Variants in OTOF observed in about 807,000 individuals in gnomAD.
OTOF encodes the protein fer-1-like family member 2.
OTOF carries 218 observed loss-of-function variants against 236.8 expected under a neutral mutation model. The ratio of observed to expected loss-of-function variants is 0.92; its 90% confidence interval spans 0.82 to 1.03. The LOEUF (loss-of-function observed/expected upper bound fraction) is 1.03, where lower values mean the gene tolerates loss of function less well. Ranked by LOEUF, OTOF falls within the 50% of genes least tolerant of loss-of-function variation. OTOF has a pLI of 0.00. For synonymous variants in OTOF, 1,041 were observed against 1,072.5 expected (o/e 0.97, Z 0.57); for missense variants, 2,590 against 2,694.4 (o/e 0.96, Z 0.86).
intron 1 of OTOF, among the ~76,000 whole-genome samples, chr2:26,541,180 G>A (rs1667205020): frequency 6.6e-6 from 1 of 152,202 alleles, no homozygotes; most frequent in African/African-American, 2.4e-5. Context: ...AGGTGGGGAG[G>A]GGCCCTGCTC....
chr2:26,476,956 G>A lies in OTOF; in HGVS notation c.2611C>T (p.Leu871Phe), dbSNP rs202211392. The A allele has an allele frequency of 1.2e-6, 2 of 1,611,434 alleles. No individual in the cohort carries two copies. The highest frequency in any genetic ancestry group is 8.5e-7 in the Non-Finnish European group (1 of 1,179,282). The change falls in exon 22 of 47, where the codon CTC becomes TTC. Residue 871 changes from leucine (L) to phenylalanine (F), a missense_variant. Leu to Phe is a conservative substitution (Grantham distance 22, BLOSUM62 0). Transcript: ENST00000272371. ...GTCTCCTCCTCCACGATGGAGAAGA[G>A]CAGGTCCTTGGAGGGCACACGGGCA... ...AYARVPSKDLLFSIVEEETGK... is the reference protein window; with the variant it reads ...AYARVPSKDLFFSIVEEETGK...
At chr2:26,523,493 A>C (rs981869573) in intron 3 of OTOF, among the ~76,000 whole-genome samples, 2 of 151,648 alleles carry the variant, frequency 1.3e-5, no homozygotes, top group African/African-American at 4.9e-5. Context: ...CCTGGGACCC[A>C]CTCTCCCAGG....
In OTOF at chr2:26,466,071, C is replaced by T. The variant is rs776988630; in HGVS notation, c.4506G>A (p.Thr1502=). 1.7e-5 allele frequency: 28 copies of T among 1,614,026 alleles called. No homozygotes were observed. The highest frequency in any genetic ancestry group is 2.2e-5 in the South Asian group (2 of 91,078). The change falls in exon 37 of 47, where the codon ACG becomes ACA. Residue 1502 remains threonine, a synonymous_variant. Transcript: ENST00000272371. ...VLVRVYVVRA[T]DLHPADINGK... ...CGTTGATGTCAGCAGGGTGCAGGTC[C>T]GTGGCCTGGAATGGGGAGAAGGGCT...
chr2:26,556,696 T>G (rs1667593787), intron 1 of OTOF, among the ~76,000 whole-genome samples: 1 of 152,082 alleles, frequency 6.6e-6, no homozygotes, highest in South Asian at 2.1e-4. Context: ...GTACTCAGGA[T>G]GAGGTCCTGA....
chr2:26,459,334 C>T (rs1053574995), intron 46 of OTOF, among the ~76,000 whole-genome samples: 6 of 152,202 alleles, frequency 3.9e-5, no homozygotes, highest in South Asian at 2.1e-4. Flanking sequence ...GGGCGGATCA[C>T]GAGGTCAGGA....
At chr2:26,474,428 G>GCCCCCC in intron 26 of OTOF, 85 bp downstream of exon 26, 1 of 293,626 alleles carries the variant, frequency 3.4e-6, no homozygotes, top group Non-Finnish European at 5.9e-6. Context: ...CCAGGCCCCA[G>GCCCCCC]CCTTCAGGGT....
rs142630329 is a variant in OTOF at position 26,495,959 on chromosome 2, C to A, written c.766-886G>T. Among the ~76,000 whole-genome samples, 32 of 152,354 alleles carry A rather than the reference C, an allele frequency of 2.1e-4. 1 individual carries two copies. Among genetic ancestry groups the A allele is most frequent in the Admixed American group, 1.6e-3 (24 of 15,310 alleles). On this transcript the variant is annotated intron_variant, in intron 8 of 46. Coordinates refer to ENST00000272371, the MANE Select transcript of OTOF (RefSeq NM_194248.3). The stretch of plus-strand genomic sequence containing the variant: ...TGCATTTCTGGAATTTGGCTCCCCC[C>A]CCTTTCCACATTGTTTGCTGAATTT...
chr2:26,463,142 CTGTG>C (rs147483890), intron 41 of OTOF, among the ~76,000 whole-genome samples: 1 of 150,552 alleles, frequency 6.6e-6, no homozygotes, highest in Non-Finnish European at 1.5e-5. Flanking sequence ...GAGTGCTATG[CTGTG>C]TGTGTGTGTG....
intron 9 of OTOF, among the ~76,000 whole-genome samples, chr2:26,494,741 T>C (rs1240790378): frequency 2.0e-5 from 3 of 151,808 alleles, no homozygotes; most frequent in Non-Finnish European, 4.4e-5. Context: ...TGTCGGCCTG[T>C]GCTCTAGACT....
chr2:26,459,223 C>T (rs1467678759), intron 46 of OTOF, among the ~76,000 whole-genome samples: 1 of 152,180 alleles, frequency 6.6e-6, no homozygotes, highest in African/African-American at 2.4e-5. Flanking sequence ...TTCCCTTTTC[C>T]CTGTCCATAG....
chr2:26,542,032 T>A (rs1032368708), intron 1 of OTOF, among the ~76,000 whole-genome samples: 9 of 152,228 alleles, frequency 5.9e-5, no homozygotes, highest in Non-Finnish European at 8.8e-5. Context: ...GTATCAGATA[T>A]ACCCATTTCT....
chr2:26,519,643 G>A (rs6746918), intron 3 of OTOF, among the ~76,000 whole-genome samples: 77,267 of 152,104 alleles, frequency 0.51, 20,074 homozygotes, highest in Middle Eastern at 0.59. Flanking sequence ...GAGAGGCGGT[G>A]CAATGCTTTG....
chr2:26,489,887 T>G, intron 9 of OTOF, 147 bp from the exon 10 acceptor site: 1 of 714,146 alleles, frequency 1.4e-6, no homozygotes. Flanking sequence ...CAGAGGCAAC[T>G]CATCTGATCC....
At chr2:26,510,245 G>A (rs917663290) in intron 5 of OTOF, among the ~76,000 whole-genome samples, 1 of 152,062 alleles carries the variant, frequency 6.6e-6, no homozygotes, top group African/African-American at 2.4e-5. Flanking sequence ...CCCACGACCT[G>A]CAGCTGCAAA....
chr2:26,516,535 C>T lies in OTOF; in HGVS notation c.392G>A (p.Gly131Glu), dbSNP rs1335406986. The change falls in exon 5 of 47, where the codon GGG (glycine) becomes GAG (glutamate). Residue 131 changes from glycine (G) to glutamate (E), a missense_variant. Physicochemically the swap from Gly to Glu is moderately conservative, Grantham distance 98 (BLOSUM62 -2). This residue lies in a region of OTOF where 1,379 missense variants were observed against 1,341.6 expected (regional missense o/e 1.03). Coordinates refer to ENST00000272371, the MANE Select transcript of OTOF (RefSeq NM_194248.3). ...AAGAGACTCATCTCCCAGGAAGTCC[C>T]CATCGTCCCAGGAGCCCACTGTGCC... ...TDGTVGSWDD[G>E]DFLGDESLQE... The T allele has an allele frequency of 6.2e-7, 1 of 1,612,982 alleles. No homozygotes were observed. Among genetic ancestry groups the T allele is most frequent in the East Asian group, 2.2e-5 (1 of 44,880 alleles).
chr2:26,558,654 T>G lies in OTOF; in HGVS notation c.-83A>C. ...GGAGCACGGCTCACACGCCTCTCTC[T>G]TCTCTGCCGCTGCCTCCTCCTCCTC... On this transcript the variant is annotated 5_prime_UTR_variant, in exon 1 of 47. Transcript: ENST00000272371. 1 of 1,203,242 alleles carries G rather than the reference T, an allele frequency of 8.3e-7. No homozygotes were observed. Among genetic ancestry groups the G allele is most frequent in the Admixed American group, 1.7e-5 (1 of 58,422 alleles). The allele number at this position is 1,203,242 out of a possible 1,614,324, so 74.5% of individuals were successfully genotyped here.
chr2:26,492,306 G>A (rs780588957), intron 9 of OTOF, among the ~76,000 whole-genome samples: 5 of 152,104 alleles, frequency 3.3e-5, no homozygotes, highest in South Asian at 2.1e-4. Context: ...AGCACAGGAC[G>A]ATCCCACCAC....
chr2:26,471,847 T>C (rs1664992649), intron 30 of OTOF, among the ~76,000 whole-genome samples: 2 of 148,598 alleles, frequency 1.3e-5, no homozygotes, highest in South Asian at 2.2e-4. Flanking sequence ...CACATTTACA[T>C]ACCACATGCA....
chr2:26,529,066 C>T (rs1364152264), intron 2 of OTOF, among the ~76,000 whole-genome samples: 2 of 152,126 alleles, frequency 1.3e-5, no homozygotes, highest in Admixed American at 1.3e-4. Flanking sequence ...ATGGGCTGCC[C>T]ACCAGGGGAG....
Sources: gnomAD v4.1 joint callset for allele counts (sites outside exome capture counted in the v4.1 genomes callset) on GRCh38, gnomAD v4.1.1 for gene constraint, gnomAD v4.1.1 regional missense constraint, MANE v1.5 for transcripts, NCBI Gene and HGNC (gene_info 2026-07-23, HGNC 2026-07-21) for gene names.